KIT: variants seen among roughly 807,000 people sequenced by gnomAD.
KIT encodes KIT proto-oncogene, receptor tyrosine kinase, also known as mast/stem cell growth factor receptor Kit.
Under a neutral mutation model 105.7 loss-of-function variants are expected in KIT, and 16 were observed. That is an observed-to-expected ratio of 0.15 (90% confidence interval 0.10 to 0.23). The LOEUF is 0.23. Ranked by LOEUF, KIT falls within the 10% of genes least tolerant of loss-of-function variation. The pLI, the probability that KIT is intolerant of heterozygous loss-of-function variation, is 1.00. For missense variants in KIT, 858 were observed against 1,213.8 expected (o/e 0.71, Z 4.36); for synonymous variants, 438 against 441.1 (o/e 0.99, Z 0.09).
In KIT at chr4:54,678,338, TTCCTTCCTTCCTTCCC is replaced by T. The variant is rs1363232586; in HGVS notation, c.68-17170_68-17155del. On this transcript the variant is annotated intron_variant, in intron 1 of 20. Coordinates refer to ENST00000288135, the MANE Select transcript of KIT (RefSeq NM_000222.3). ...CTTCCTTCCTTCCTTCCTTCCTTCC[TTCCTTCCTTCCTTCCC>T]TCCCTCCCTCCCTCCCTCCCTCCCC... Among the ~76,000 whole-genome samples, 331 of 96,236 alleles carry T rather than the reference TTCCTTCCTTCCTTCCC, an allele frequency of 3.4e-3. 1 individual carries two copies. The highest frequency in any genetic ancestry group is 0.012 in the African/African-American group (202 of 17,258). 63.1% of individuals were successfully genotyped at this position (96,236 alleles called of 152,430 possible). A position where few individuals can be genotyped will look rare whatever the true frequency, so the allele number is the denominator to read the frequency against.
chr4:54,690,852 T>C (rs751421925), intron 1 of KIT, among the ~76,000 whole-genome samples: 2 of 152,180 alleles, frequency 1.3e-5, no homozygotes, highest in African/African-American at 2.4e-5. Context: ...ACTATAACAA[T>C]ATTAAAGACA....
chr4:54,658,836 T>G (rs1717015830), intron 1 of KIT, among the ~76,000 whole-genome samples: 1 of 152,160 alleles, frequency 6.6e-6, no homozygotes, highest in African/African-American at 2.4e-5. Flanking sequence ...GGTTGCAGAC[T>G]TTTTGCTTTC....
chr4:54,672,084 A>G (rs1355757352), intron 1 of KIT, among the ~76,000 whole-genome samples: 2 of 118,542 alleles, frequency 1.7e-5, no homozygotes, highest in African/African-American at 3.2e-5. Flanking sequence ...AAACAAATGT[A>G]TGCACATTTA....
At chr4:54,671,315 C>G (rs759083) in intron 1 of KIT, among the ~76,000 whole-genome samples, 46,821 of 151,930 alleles carry the variant, frequency 0.31, 7,853 homozygotes, top group Admixed American at 0.4. Context: ...TTCTGGTTCT[C>G]GAGAAGGAAT....
intron 17 of KIT, among the ~76,000 whole-genome samples, chr4:54,735,245 G>T (rs1394746012): frequency 2.6e-5 from 4 of 151,808 alleles, no homozygotes; most frequent in African/African-American, 7.3e-5. Flanking sequence ...CCCTGAATTT[G>T]ACACCCATAG....
Position 54,727,236 on chromosome 4 carries a change from C to T in KIT, c.1559C>T (p.Thr520Ile), listed in dbSNP as rs2109773801. The T allele has an allele frequency of 1.2e-6, 2 of 1,614,038 alleles. No individual in the cohort carries two copies. The highest frequency in any genetic ancestry group is 1.7e-6 in the Non-Finnish European group (2 of 1,179,932). Residue 520 changes from threonine to isoleucine, a missense_variant, in exon 10 of 21, where the codon ACC (threonine) becomes ATC (isoleucine). Transcript: ENST00000288135. ...ATTGTAGAGCAAATCCATCCCCACA[C>T]CCTGTTCACTCCTTTGCTGATTGGT... ...GNNKEQIHPH[T>I]LFTPLLIGFV... is the part of the protein sequence containing the mutation.
chr4:54,677,814 C>G (rs1280289054), intron 1 of KIT, among the ~76,000 whole-genome samples: 2 of 152,202 alleles, frequency 1.3e-5, no homozygotes, highest in Non-Finnish European at 2.9e-5. Flanking sequence ...ATAAGAAACT[C>G]AGCCTTGCTG....
chr4:54,706,064 G>C (rs1001183836), intron 5 of KIT, among the ~76,000 whole-genome samples: 1 of 151,398 alleles, frequency 6.6e-6, no homozygotes, highest in Non-Finnish European at 1.5e-5. Flanking sequence ...CTTTTCTAAG[G>C]ACTCCATTAT....
intron 4 of KIT, among the ~76,000 whole-genome samples, chr4:54,701,296 G>T (rs920982112): frequency 6.6e-6 from 1 of 152,170 alleles, no homozygotes; most frequent in Admixed American, 6.5e-5. Flanking sequence ...GGGGCTCATG[G>T]CTGTCTGCCA....
chr4:54,684,749 C>T (rs142534706), intron 1 of KIT, among the ~76,000 whole-genome samples: 39 of 152,342 alleles, frequency 2.6e-4, no homozygotes, highest in East Asian at 1.4e-3. Context: ...TACCAATGGC[C>T]GGGCCTGCTT....
intron 1 of KIT, among the ~76,000 whole-genome samples, chr4:54,662,538 CTTT>C (rs983249787): frequency 1.8e-4 from 28 of 152,254 alleles, no homozygotes; most frequent in African/African-American, 6.3e-4. Context: ...AATGCCTACT[CTTT>C]TAAGATGATT....
intron 3 of KIT, among the ~76,000 whole-genome samples, chr4:54,699,050 C>T (rs972427014): frequency 1.3e-5 from 2 of 152,064 alleles, no homozygotes; most frequent in Non-Finnish European, 2.9e-5. Flanking sequence ...ATGGTTGTGC[C>T]GTTATGTAGA....
intron 4 of KIT, 30 bp from the exon 5 acceptor site, chr4:54,703,693 AT>A (rs544780604): frequency 9.5e-5 from 148 of 1,559,376 alleles, no homozygotes; most frequent in Middle Eastern, 3.3e-4. Context: ...GGTAATCTTC[AT>A]TTTTTTTTCT....
chr4:54,702,549 A>G (rs1720522822), intron 4 of KIT, among the ~76,000 whole-genome samples: 1 of 151,992 alleles, frequency 6.6e-6, no homozygotes, highest in African/African-American at 2.4e-5. Flanking sequence ...CCCTATGCAT[A>G]TGTATTATCA....
intron 1 of KIT, among the ~76,000 whole-genome samples, chr4:54,675,181 A>G (rs1438344654): frequency 2.0e-5 from 3 of 152,138 alleles, no homozygotes; most frequent in African/African-American, 7.2e-5. Flanking sequence ...AAAGGTTACA[A>G]TTTTAGAATT....
chr4:54,680,385 C>CTTT lies in KIT; in HGVS notation c.68-15109_68-15107dup, dbSNP rs756268006. 3.8e-3 allele frequency among the ~76,000 whole-genome samples: 388 copies of CTTT among 102,648 alleles called. 7 individuals are homozygous for CTTT. Among genetic ancestry groups the CTTT allele is most frequent in the African/African-American group, 0.014 (365 of 26,346 alleles). The allele number at this position is 102,648 out of a possible 152,430, so 67.3% of individuals were successfully genotyped here. A position where few individuals can be genotyped will look rare whatever the true frequency, so the allele number is the denominator to read the frequency against. The stretch of plus-strand genomic sequence containing the variant: ...TTATGTCTTGAAGTTTTCATTCGTC[C>CTTT]TTTTTTTTTTTTTTTTTTTTAATGA... On this transcript the variant is annotated intron_variant, in intron 1 of 20. Transcript: ENST00000288135.
intron 1 of KIT, among the ~76,000 whole-genome samples, chr4:54,678,355 TCCC>T (rs1288977616): frequency 1.4e-4 from 7 of 49,470 alleles, no homozygotes; most frequent in East Asian, 1.1e-3. Flanking sequence ...CTTCCTTCCC[TCCC>T]TCCCTCCCTC....
chr4:54,734,389 A>G (rs548615631), intron 17 of KIT, among the ~76,000 whole-genome samples: 1 of 152,326 alleles, frequency 6.6e-6, no homozygotes, highest in East Asian at 1.9e-4. Flanking sequence ...TCAGAAAGTT[A>G]TGAGTTAATA....
intron 7 of KIT, among the ~76,000 whole-genome samples, chr4:54,714,273 A>G (rs1407821707): frequency 6.6e-6 from 1 of 152,192 alleles, no homozygotes; most frequent in Non-Finnish European, 1.5e-5. Flanking sequence ...AAATATTAGA[A>G]AAAAATGACA....
Sources: gnomAD v4.1 joint callset for allele counts (sites outside exome capture counted in the v4.1 genomes callset) on GRCh38, gnomAD v4.1.1 for gene constraint, MANE v1.5 for transcripts, NCBI Gene and HGNC (gene_info 2026-07-23, HGNC 2026-07-21) for gene names.